Variants in CASR observed in about 807,000 individuals in gnomAD.
The protein encoded by CASR is extracellular calcium-sensing receptor.
A neutral mutation model predicts 69.1 loss-of-function variants in CASR; 23 were observed. The ratio of observed to expected loss-of-function variants is 0.33; its 90% CI spans 0.24 to 0.47. The LOEUF is 0.47. Ranked by LOEUF, CASR falls within the 20% of genes least tolerant of loss-of-function variation. The pLI, the probability that CASR is intolerant of heterozygous loss-of-function variation, is 1.00. For synonymous variants in CASR, 541 were observed against 544.7 expected, an observed-to-expected ratio of 0.99 and a Z score of 0.10; for missense variants, 924 against 1,356.1, an observed-to-expected ratio of 0.68 and a Z score of 5.00.
At chr3:122,230,985 T>G (rs1267740852) in intron 1 of CASR, among the ~76,000 whole-genome samples, 1 of 152,232 alleles carries the variant, frequency 6.6e-6, no homozygotes, top group Non-Finnish European at 1.5e-5. Context: ...CACCTGAAAC[T>G]CATCTGTCCC....
At chr3:122,234,034 T>G (rs529817322) in intron 1 of CASR, among the ~76,000 whole-genome samples, 44 of 152,336 alleles carry the variant, frequency 2.9e-4, no homozygotes, top group Admixed American at 1.5e-3. Context: ...CTCCTCTGAT[T>G]GAGAAAGCTG....
chr3:122,245,254 T>C (rs1172769396), intron 1 of CASR: 1 of 152,242 alleles, frequency 6.6e-6, no homozygotes, highest in Non-Finnish European at 1.5e-5. Context: ...TCTGTACATG[T>C]TCAGTACGGA....
chr3:122,260,105 A>G (rs1425392076), intron 3 of CASR, among the ~76,000 whole-genome samples: 1 of 152,210 alleles, frequency 6.6e-6, no homozygotes, highest in Admixed American at 6.5e-5. Context: ...CCATGATGAC[A>G]CAGAGTGCTG....
At chr3:122,264,350 C>T (rs898516045) in intron 4 of CASR, among the ~76,000 whole-genome samples, 13 of 152,196 alleles carry the variant, frequency 8.5e-5, no homozygotes, top group African/African-American at 2.9e-4. Flanking sequence ...GATCTCCTTA[C>T]TTCCCAAGAT....
chr3:122,229,509 GC>G (rs2074259968), intron 1 of CASR, among the ~76,000 whole-genome samples: 1 of 152,342 alleles, frequency 6.6e-6, no homozygotes, highest in South Asian at 2.1e-4. Flanking sequence ...CCAATAAAAT[GC>G]ATCTTTCCAA....
chr3:122,225,354 G>C (rs1400970913), intron 1 of CASR, among the ~76,000 whole-genome samples: 4 of 147,508 alleles, frequency 2.7e-5, no homozygotes, highest in Non-Finnish European at 6.0e-5. Context: ...AATTTGTAAG[G>C]AACTTAAACA....
intron 4 of CASR, among the ~76,000 whole-genome samples, chr3:122,269,658 T>C (rs13321634): frequency 0.16 from 24,476 of 152,182 alleles, 2,327 homozygotes; most frequent in East Asian, 0.4. Context: ...TCTAAAGTTT[T>C]ATTTTCTTGT....
chr3:122,278,835 C>G (rs922681192), intron 5 of CASR, among the ~76,000 whole-genome samples: 1 of 152,138 alleles, frequency 6.6e-6, no homozygotes, highest in African/African-American at 2.4e-5. Flanking sequence ...TGTTCCTTAA[C>G]CATTAAGAAG....
Position 122,260,629 on chromosome 3 carries a change from T to C in CASR, c.493-899T>C, listed in dbSNP as rs558913255. Among the ~76,000 whole-genome samples, 19 of 151,898 alleles carry C rather than the reference T, an allele frequency of 1.3e-4. 2 individuals carry two copies. In the South Asian group the frequency reaches 3.5e-3, roughly 28 times the overall value. On this transcript the variant is annotated intron_variant, in intron 3 of 6. Coordinates refer to ENST00000639785, the MANE Select transcript of CASR (RefSeq NM_000388.4). Reference sequence around the variant, plus strand: ...GGGTGCAGCACACCAACATGGCACATGTATACATATGTAACAAACCTGCAC... The same window carrying C: ...GGGTGCAGCACACCAACATGGCACACGTATACATATGTAACAAACCTGCAC...
At chr3:122,242,273 T>C (rs2074385623) in intron 1 of CASR, among the ~76,000 whole-genome samples, 1 of 152,030 alleles carries the variant, frequency 6.6e-6, no homozygotes, top group African/African-American at 2.4e-5. Flanking sequence ...ATCTTATATT[T>C]AGAAAAACCT....
intron 2 of CASR, among the ~76,000 whole-genome samples, chr3:122,254,581 G>T (rs997520806): frequency 6.6e-6 from 1 of 151,998 alleles, no homozygotes; most frequent in Non-Finnish European, 1.5e-5. Context: ...ATGATATTAA[G>T]TAGAAAATCC....
At chr3:122,229,772 G>GA (rs939186841) in intron 1 of CASR, among the ~76,000 whole-genome samples, 4 of 152,236 alleles carry the variant, frequency 2.6e-5, no homozygotes, top group Admixed American at 2.6e-4. Context: ...TGAGGCAGGA[G>GA]AATTGCTTGA....
At chr3:122,256,996 A>C in intron 2 of CASR, 85 bp from the exon 3 acceptor site, 2 of 1,144,546 alleles carry the variant, frequency 1.7e-6, no homozygotes, top group Non-Finnish European at 2.6e-6. Context: ...CAGTTCGATG[A>C]TTCAAACCCA....
intron 1 of CASR, among the ~76,000 whole-genome samples, chr3:122,242,367 T>C (rs2074386596): frequency 6.6e-6 from 1 of 152,150 alleles, no homozygotes; most frequent in Non-Finnish European, 1.5e-5. Context: ...CAAAAACTAG[T>C]AGCATTTCTA....
intron 1 of CASR, among the ~76,000 whole-genome samples, chr3:122,229,753 T>G (rs1444589138): frequency 6.6e-6 from 1 of 152,114 alleles, no homozygotes; most frequent in Non-Finnish European, 1.5e-5. Flanking sequence ...TCTCAGCTAC[T>G]CGGGAGGCTG....
chr3:122,245,355 A>G (rs1346143858), intron 1 of CASR: 7 of 152,218 alleles, frequency 4.6e-5, no homozygotes, highest in African/African-American at 9.6e-5. Flanking sequence ...CCAAGTGTAC[A>G]TGTTTATTTT....
At chr3:122,197,752 T>C (rs890721996) in intron 1 of CASR, among the ~76,000 whole-genome samples, 3 of 152,308 alleles carry the variant, frequency 2.0e-5, no homozygotes, top group Admixed American at 1.3e-4. Context: ...AAGATGTCCT[T>C]GCAGAGTGCC....
intron 4 of CASR, among the ~76,000 whole-genome samples, chr3:122,273,538 C>T (rs376981304): frequency 2.0e-5 from 3 of 152,250 alleles, no homozygotes; most frequent in East Asian, 1.9e-4. Context: ...GGCATGTGGA[C>T]AGGATAGTGG....
chr3:122,266,742 C>T (rs898559995), intron 4 of CASR, among the ~76,000 whole-genome samples: 1 of 152,110 alleles, frequency 6.6e-6, no homozygotes, highest in African/African-American at 2.4e-5. Context: ...CAGTGGCTCA[C>T]ACCTATAGTC....
Sources: allele counts gnomAD v4.1 joint callset (sites outside exome capture counted in the v4.1 genomes callset), GRCh38; gene constraint gnomAD v4.1.1; transcripts MANE v1.5; gene names NCBI Gene and HGNC (gene_info 2026-07-23, HGNC 2026-07-21).